Variants in PPP2R2B observed in about 807,000 individuals in gnomAD.
PPP2R2B encodes serine/threonine-protein phosphatase 2A 55 kDa regulatory subunit B beta isoform.
PPP2R2B carries 5 observed loss-of-function variants against 46.0 expected under a neutral mutation model. The observed-to-expected ratio is 0.11, with a 90% CI of 0.06 to 0.23. PPP2R2B has a LOEUF of 0.23. PPP2R2B is among the 10% of genes least tolerant of loss of function. The pLI is 1.00. For missense variants in PPP2R2B, 367 were observed against 575.0 expected (o/e 0.64, Z 3.70); for synonymous variants, 215 against 206.7 (o/e 1.04, Z -0.34).
chr5:146,674,411 A>G (rs909279408), intron 5 of PPP2R2B, among the ~76,000 whole-genome samples: 28 of 152,296 alleles, frequency 1.8e-4, no homozygotes, highest in Middle Eastern at 3.4e-3. Flanking sequence ...AGTCTGCCCA[A>G]CACTTCTCCT....
At chr5:146,852,681 C>T (rs1025305518) in intron 2 of PPP2R2B, among the ~76,000 whole-genome samples, 2 of 152,074 alleles carry the variant, frequency 1.3e-5, no homozygotes, top group African/African-American at 4.8e-5. Flanking sequence ...TCAACAATTC[C>T]CAATGACTGC....
intron 1 of PPP2R2B, among the ~76,000 whole-genome samples, chr5:147,033,450 C>T (rs569916863): frequency 6.6e-6 from 1 of 152,246 alleles, no homozygotes; most frequent in Non-Finnish European, 1.5e-5. Context: ...ATGACCAGTA[C>T]TCATAACTTA....
intron 1 of PPP2R2B, among the ~76,000 whole-genome samples, chr5:147,049,526 G>A (rs1756700300): frequency 6.6e-6 from 1 of 152,140 alleles, no homozygotes; most frequent in South Asian, 2.1e-4. Flanking sequence ...TGATATATAA[G>A]CCCATAGGAG....
chr5:146,939,409 G>A (rs773369664), intron 1 of PPP2R2B, among the ~76,000 whole-genome samples: 1 of 152,198 alleles, frequency 6.6e-6, no homozygotes, highest in Non-Finnish European at 1.5e-5. Flanking sequence ...GTGGGAAAGA[G>A]GGTGATGAGC....
At chr5:146,774,330 T>C (rs944480293) in intron 2 of PPP2R2B, among the ~76,000 whole-genome samples, 3 of 152,160 alleles carry the variant, frequency 2.0e-5, no homozygotes, top group African/African-American at 2.4e-5. Context: ...CTATCAGCAA[T>C]GTGTTTTTGT....
At chr5:146,812,682 TATATATATATATATATATAC>T (rs1184226998) in intron 2 of PPP2R2B, among the ~76,000 whole-genome samples, 1 of 31,892 alleles carries the variant, frequency 3.1e-5, no homozygotes, top group African/African-American at 1.1e-4. Flanking sequence ...TATATATATA[TATATATATATATATATATAC>T]ACTGCTATCA....
At chr5:146,591,690 AG>A (rs1291172649) in intron 9 of PPP2R2B, among the ~76,000 whole-genome samples, 2 of 151,734 alleles carry the variant, frequency 1.3e-5, no homozygotes, top group Non-Finnish European at 2.9e-5. Context: ...AAAAAAAAAA[AG>A]ACTACCAACC....
intron 2 of PPP2R2B, among the ~76,000 whole-genome samples, chr5:146,861,033 A>G (rs1229713355): frequency 6.7e-6 from 1 of 150,258 alleles, no homozygotes; most frequent in Non-Finnish European, 1.5e-5. Flanking sequence ...CTCCTCTTCC[A>G]GCATTCAAAC....
chr5:147,061,755 G>A (rs1214066226), intron 2 of PPP2R2B, among the ~76,000 whole-genome samples: 4 of 151,942 alleles, frequency 2.6e-5, no homozygotes, highest in Non-Finnish European at 5.9e-5. Flanking sequence ...ATGCAGCAGG[G>A]GAAGAAAAAA....
chr5:146,756,946 G>A (rs1753871977), intron 2 of PPP2R2B, among the ~76,000 whole-genome samples: 1 of 152,102 alleles, frequency 6.6e-6, no homozygotes, highest in South Asian at 2.1e-4. Flanking sequence ...TTCTGGTGGA[G>A]GAGGCAGACA....
At chr5:146,912,939 C>A (rs1763245767) in intron 1 of PPP2R2B, among the ~76,000 whole-genome samples, 1 of 152,166 alleles carries the variant, frequency 6.6e-6, no homozygotes, top group Non-Finnish European at 1.5e-5. Context: ...GGATTATATG[C>A]TGGTAAGTTC....
chr5:147,060,267 G>C (rs1168078185), upstream of PPP2R2B, among the ~76,000 whole-genome samples: 1 of 152,060 alleles, frequency 6.6e-6, no homozygotes, highest in Non-Finnish European at 1.5e-5. Flanking sequence ...CATATTTATT[G>C]AATACTTACT....
At position 147,041,856 on chromosome 5, in the gene PPP2R2B, C is replaced by T. The variant is rs137919188; in HGVS notation, c.79+13809G>A. ...TAATGCCCAACCTTGTTTTTACTAA[C>T]GCTATTTTTAGACTCTCCCTTTCCT... On this transcript the variant is annotated intron_variant, in intron 1 of 8. Transcript: ENST00000336640. 4.8e-4 allele frequency among the ~76,000 whole-genome samples: 73 copies of T among 152,180 alleles called. No individual in the cohort carries two copies. The East Asian group carries it at 0.011, about 22-fold the overall frequency.
At chr5:146,895,491 T>G (rs1287228335) in intron 1 of PPP2R2B, among the ~76,000 whole-genome samples, 1 of 152,162 alleles carries the variant, frequency 6.6e-6, no homozygotes, top group Non-Finnish European at 1.5e-5. Context: ...CACACAAAAG[T>G]TTGTTAAACT....
At chr5:146,870,479 A>T (rs1227657873) in intron 2 of PPP2R2B, among the ~76,000 whole-genome samples, 1 of 152,214 alleles carries the variant, frequency 6.6e-6, no homozygotes, top group Non-Finnish European at 1.5e-5. Flanking sequence ...ATGGGAAGAG[A>T]GAACTCACCA....
intron 2 of PPP2R2B, among the ~76,000 whole-genome samples, chr5:146,872,490 A>G (rs1440010199): frequency 6.6e-6 from 1 of 152,098 alleles, no homozygotes; most frequent in Non-Finnish European, 1.5e-5. Flanking sequence ...TATTTTTTCA[A>G]TGCCTTCCCA....
chr5:146,772,754 G>A (rs1754947907), intron 2 of PPP2R2B, among the ~76,000 whole-genome samples: 2 of 152,118 alleles, frequency 1.3e-5, no homozygotes, highest in African/African-American at 4.8e-5. Context: ...ATGCCCATAA[G>A]TGAGGTTTCT....
chr5:147,053,959 C>G (rs1756952555), intron 1 of PPP2R2B, among the ~76,000 whole-genome samples: 1 of 152,136 alleles, frequency 6.6e-6, no homozygotes, highest in Non-Finnish European at 1.5e-5. Context: ...TTTTCCTTAC[C>G]CATTGTCTTT....
chr5:146,616,279 C>T (rs905738873), intron 7 of PPP2R2B, among the ~76,000 whole-genome samples: 2 of 152,158 alleles, frequency 1.3e-5, no homozygotes, highest in Non-Finnish European at 2.9e-5. Flanking sequence ...GAGCATGAAA[C>T]TACTACAAGA....
Sources: allele counts gnomAD v4.1 joint callset (sites outside exome capture counted in the v4.1 genomes callset), GRCh38; gene constraint gnomAD v4.1.1; transcripts MANE v1.5; gene names NCBI Gene and HGNC (gene_info 2026-07-23, HGNC 2026-07-21).